The following PGM2L1 variants were observed in gnomAD, a reference collection of about 807,000 sequenced individuals.
PGM2L1 encodes phosphoglucomutase 2 like 1.
PGM2L1 carries 35 observed loss-of-function variants against 73.4 expected under a neutral mutation model. The observed-to-expected ratio is 0.48, with a 90% confidence interval of 0.36 to 0.63. PGM2L1 has a LOEUF of 0.63. Among genes scored for constraint, PGM2L1 ranks in the 30% least tolerant of loss-of-function variants. The pLI, the probability that PGM2L1 is intolerant of heterozygous loss-of-function variation, is 0.00. For missense variants in PGM2L1, 570 were observed against 742.0 expected (o/e 0.77, Z 2.69); for synonymous variants, 225 against 253.8 (o/e 0.89, Z 1.08).
chr11:74,342,689 T>C, intron 11 of PGM2L1, 39 bp from the exon 12 acceptor site: 1 of 1,460,614 alleles, frequency 6.8e-7, no homozygotes, highest in Non-Finnish European at 9.2e-7. Context: ...AGATTTCAGA[T>C]AACTCTTTAA....
chr11:74,397,802 G>T (rs1487353055), intron 1 of PGM2L1: 2 of 384,020 alleles, frequency 5.2e-6, no homozygotes, highest in Non-Finnish European at 9.0e-6. Context: ...AGGAAAGAGG[G>T]TAAAGAAGAG....
At position 74,336,588 on chromosome 11, in the gene PGM2L1, G is replaced by GTA; in HGVS notation, c.*62_*63dup. The GTA allele has an allele frequency of 1.0e-6, 1 of 1,000,306 alleles. No individual in the cohort carries two copies. Among genetic ancestry groups the GTA allele is most frequent in the Non-Finnish European group, 1.5e-6 (1 of 680,216 alleles). The allele number at this position is 1,000,306 out of a possible 1,614,324, so 62.0% of individuals were successfully genotyped here. On this transcript the variant is annotated 3_prime_UTR_variant, in exon 14 of 14. Transcript: ENST00000298198. ...AGAGAATGCTAACACAAGGTTCAAT[G>GTA]TATGCAGTTCTCGGTTGCTCTGTTC...
chr11:74,376,002 G>A (rs1296899869), intron 1 of PGM2L1, among the ~76,000 whole-genome samples: 2 of 152,168 alleles, frequency 1.3e-5, no homozygotes, highest in African/African-American at 4.8e-5. Flanking sequence ...GACTCTTCAC[G>A]TTTAGAGGGT....
In PGM2L1 at chr11:74,343,022, T is replaced by C. The variant is rs1424521440; in HGVS notation, c.1313-8A>G. 5.7e-6 allele frequency: 9 copies of C among 1,587,438 alleles called. No individual in the cohort carries two copies. The highest frequency in any genetic ancestry group is 6.0e-6 in the Non-Finnish European group (7 of 1,172,306). On this transcript the variant is annotated splice_polypyrimidine_tract_variant and splice_region_variant and intron_variant, in intron 10 of 13. Coordinates refer to ENST00000298198, the MANE Select transcript of PGM2L1 (RefSeq NM_173582.6). The stretch of plus-strand genomic sequence containing the variant: ...AAGTTCCACAGAGAAAACCTGAGGA[T>C]TGAAAACCATCACTAGAAAAGAGGA...
In PGM2L1 at chr11:74,360,947, G is replaced by A. The variant is rs1393954946; in HGVS notation, c.555+7545C>T. 2.6e-5 allele frequency among the ~76,000 whole-genome samples: 4 copies of A among 152,214 alleles called. No individual in the cohort carries two copies. The East Asian group carries it at 7.7e-4, about 29-fold the overall frequency. On this transcript the variant is annotated intron_variant, in intron 5 of 13. Coordinates refer to ENST00000298198, the MANE Select transcript of PGM2L1 (RefSeq NM_173582.6). The stretch of plus-strand genomic sequence containing the variant: ...CACCACTGCTCAGGGAGGCCTGCCT[G>A]CCTCTGTAGACTCCACCTCTGGGGT...
chr11:74,372,372 C>T (rs2134931198), intron 2 of PGM2L1, among the ~76,000 whole-genome samples: 1 of 152,218 alleles, frequency 6.6e-6, no homozygotes, highest in South Asian at 2.1e-4. Flanking sequence ...AGAAAAATAA[C>T]ACCATAGACT....
At chr11:74,347,920 C>T (rs1238111481) in intron 6 of PGM2L1, among the ~76,000 whole-genome samples, 1 of 152,150 alleles carries the variant, frequency 6.6e-6, no homozygotes. Context: ...TACTTTGTTA[C>T]CCAAAAAGCT....
At position 74,332,358 on chromosome 11, in the gene PGM2L1, AG is replaced by A. The variant is rs1383714670; in HGVS notation, c.*4293del. Reference sequence around the variant, plus strand: ...TAGCAGTATGCAGACAGATCAAAACAGGTTATGAAATAGATTTAAAATTACT... The same window carrying A: ...TAGCAGTATGCAGACAGATCAAAACAGTTATGAAATAGATTTAAAATTACT... On this transcript the variant is annotated 3_prime_UTR_variant, in exon 14 of 14. Transcript: ENST00000298198. 6.6e-6 allele frequency: 1 copy of A among 152,280 alleles called. No individual in the cohort carries two copies. The highest frequency in any genetic ancestry group is 1.5e-5 in the Non-Finnish European group (1 of 68,046). The allele number at this position is 152,280 out of a possible 1,614,324, so 9.4% of individuals were successfully genotyped here.
At chr11:74,373,413 G>T (rs1245479884) in intron 2 of PGM2L1, among the ~76,000 whole-genome samples, 1 of 152,150 alleles carries the variant, frequency 6.6e-6, no homozygotes, top group Non-Finnish European at 1.5e-5. Context: ...TCAGAATAAG[G>T]TTAAAGATGA....
intron 5 of PGM2L1, among the ~76,000 whole-genome samples, chr11:74,352,824 T>C (rs759084207): frequency 6.6e-6 from 1 of 152,190 alleles, no homozygotes; most frequent in African/African-American, 2.4e-5. Context: ...GTGGGACTGA[T>C]ATTGTGGTTA....
chr11:74,375,699 C>A (rs1862844452), intron 1 of PGM2L1, among the ~76,000 whole-genome samples: 1 of 151,902 alleles, frequency 6.6e-6, no homozygotes, highest in South Asian at 2.1e-4. Flanking sequence ...TTAAAGTAAC[C>A]AGAGTACATG....
At position 74,398,109 on chromosome 11, in the gene PGM2L1, T is replaced by A; in HGVS notation, c.53A>T (p.Tyr18Phe). The change falls in exon 1 of 14, where the codon TAC becomes TTC. Residue 18 changes from tyrosine (Y) to phenylalanine (F), a missense_variant. Transcript: ENST00000298198. ...GTCCAGCTGAGGGTCCCCGGTGTGG[T>A]AGGGGGCGTGGAGCAGGTTGGAGTT... is the stretch of plus-strand genomic sequence containing the variant. ...DLNSNLLHAP[Y>F]HTGDPQLDTA... The A allele has an allele frequency of 1.2e-5, 20 of 1,612,904 alleles. No homozygotes were observed. The highest frequency in any genetic ancestry group is 1.7e-5 in the Non-Finnish European group (20 of 1,179,344).
chr11:74,368,326 A>T (rs953887000), intron 5 of PGM2L1, among the ~76,000 whole-genome samples, 166 bp downstream of exon 5: 56 of 152,228 alleles, frequency 3.7e-4, no homozygotes, highest in African/African-American at 1.3e-3. Flanking sequence ...GAAGTAATAA[A>T]TACCATTAGG....
chr11:74,349,243 C>T (rs924266902), intron 6 of PGM2L1, among the ~76,000 whole-genome samples: 5 of 152,158 alleles, frequency 3.3e-5, no homozygotes, highest in African/African-American at 9.7e-5. Context: ...TATTGATTTT[C>T]AGAAGGAAAA....
chr11:74,397,850 C>T lies in PGM2L1; in HGVS notation c.111+201G>A, dbSNP rs1863202192. On this transcript the variant is annotated intron_variant, in intron 1 of 13. Coordinates refer to ENST00000298198, the MANE Select transcript of PGM2L1 (RefSeq NM_173582.6). ...CAATTGAGAGCACTGCAGAAGGAAG[C>T]GATGCAGATGTTGCCGCCCGGCTCT... 4 of 755,378 alleles carry T rather than the reference C, an allele frequency of 5.3e-6. No individual in the cohort carries two copies. In the East Asian group the frequency reaches 9.9e-5, roughly 19 times the overall value. The allele number at this position is 755,378 out of a possible 1,614,324, so 46.8% of individuals were successfully genotyped here.
rs56938172 is a variant in PGM2L1 at position 74,343,769 on chromosome 11, C to CTT, written c.1219-355_1219-354dup. ...GACTGAACCAGGTGCTTTACATTAT[C>CTT]TTTTTTTTTTTTTTTTTTTTTTTTT... On this transcript the variant is annotated intron_variant, in intron 9 of 13. Coordinates refer to ENST00000298198, the MANE Select transcript of PGM2L1 (RefSeq NM_173582.6). 5.6e-3 allele frequency among the ~76,000 whole-genome samples: 442 copies of CTT among 79,162 alleles called. 58 individuals carry two copies. The highest frequency in any genetic ancestry group is 0.02 in the African/African-American group (386 of 19,428). 51.9% of individuals were successfully genotyped at this position (79,162 alleles called of 152,430 possible).
At chr11:74,378,921 G>C (rs1862898563) in intron 1 of PGM2L1, among the ~76,000 whole-genome samples, 1 of 151,940 alleles carries the variant, frequency 6.6e-6, no homozygotes, top group Non-Finnish European at 1.5e-5. Flanking sequence ...ACTTGCCCAA[G>C]TTTTCTGAAC....
In PGM2L1 at chr11:74,351,587, A is replaced by T; in HGVS notation, c.556-11T>A. On this transcript the variant is annotated splice_polypyrimidine_tract_variant and intron_variant, in intron 5 of 13. Coordinates refer to ENST00000298198, the MANE Select transcript of PGM2L1 (RefSeq NM_173582.6). ...AGTTTCCCAGTAAACCTAGATGATA[A>T]GTAAATATAACCATAATTACTTAAA... 1.3e-6 allele frequency: 2 copies of T among 1,579,162 alleles called. No individual in the cohort carries two copies. The highest frequency in any genetic ancestry group is 1.7e-6 in the Non-Finnish European group (2 of 1,161,044).
chr11:74,360,708 T>C (rs756853800), intron 5 of PGM2L1, among the ~76,000 whole-genome samples: 1 of 152,138 alleles, frequency 6.6e-6, no homozygotes, highest in Non-Finnish European at 1.5e-5. Flanking sequence ...ACCCTAATAT[T>C]GCGCTTTTCC....
Sources: allele counts gnomAD v4.1 joint callset (sites outside exome capture counted in the v4.1 genomes callset), GRCh38; gene constraint gnomAD v4.1.1; transcripts MANE v1.5; gene names NCBI Gene and HGNC (gene_info 2026-07-23, HGNC 2026-07-21).